The following SSNA1 variants were observed in gnomAD, a reference collection of about 807,000 sequenced individuals.
The protein encoded by SSNA1 is SS nuclear autoantigen 1, also known as microtubule nucleation factor SSNA1.
A neutral mutation model predicts 13.3 loss-of-function variants in SSNA1; 13 were observed. That is an observed-to-expected ratio of 0.97 (90% CI 0.63 to 1.55). SSNA1 has a LOEUF of 1.55. Among genes scored for constraint, SSNA1 ranks in the 40% most tolerant of loss-of-function variants. SSNA1 has a pLI of 0.00. For missense variants in SSNA1, 186 were observed against 152.7 expected (o/e 1.22, Z -1.15); for synonymous variants, 89 against 65.9 (o/e 1.35, Z -1.70).
chr9:137,189,070 AGAG>A lies in SSNA1; in HGVS notation c.61_63del (p.Glu21del), dbSNP rs1834552700. 6.4e-7 allele frequency: 1 copy of A among 1,566,752 alleles called. No homozygotes were observed. Among genetic ancestry groups the A allele is most frequent in the Non-Finnish European group, 8.7e-7 (1 of 1,155,364 alleles). On this transcript the variant is annotated inframe_deletion, in exon 2 of 3. Transcript: ENST00000322310. Reference sequence around the variant, plus strand: ...GCCGCCCCTCCCGGCCCCCAGGCATAGAGGAGCTGTGCCAGAAGCGGGAGGAGC... The same window carrying A: ...GCCGCCCCTCCCGGCCCCCAGGCATAGAGCTGTGCCAGAAGCGGGAGGAGC...
rs1000411549 is a variant in SSNA1 at position 137,190,156 on chromosome 9, G to A, written c.*242G>A. The stretch of plus-strand genomic sequence containing the variant: ...GGTGGGCTCCAGGTCAGCTCTGCAA[G>A]GGGCTTGTCTCTGTGGCACCCACAC... On this transcript the variant is annotated 3_prime_UTR_variant, in exon 3 of 3. Coordinates refer to ENST00000322310, the MANE Select transcript of SSNA1 (RefSeq NM_003731.3). 3.9e-5 allele frequency: 19 copies of A among 489,724 alleles called. No individual in the cohort carries two copies. The highest frequency in any genetic ancestry group is 5.6e-4 in the Middle Eastern group (1 of 1,800). The allele number at this position is 489,724 out of a possible 1,614,324, so 30.3% of individuals were successfully genotyped here.
In SSNA1 at chr9:137,189,102, G is replaced by T; in HGVS notation, c.89G>T (p.Cys30Phe). The T allele has an allele frequency of 6.3e-7, 1 of 1,594,980 alleles. No individual in the cohort carries two copies. Among genetic ancestry groups the T allele is most frequent in the Non-Finnish European group, 8.5e-7 (1 of 1,170,790 alleles). Residue 30 changes from cysteine (C) to phenylalanine (F), a missense_variant, in exon 2 of 3, where the codon TGC becomes TTC. Coordinates refer to ENST00000322310, the MANE Select transcript of SSNA1 (RefSeq NM_003731.3). ...CTGTGCCAGAAGCGGGAGGAGCTGT[G>T]CCGGCAGATCCAGGAGGAGGAGGAC... is the stretch of plus-strand genomic sequence containing the variant. ...EELCQKREEL[C>F]RQIQEEEDEK...
At chr9:137,188,995 T>G (rs1834549523) in intron 1 of SSNA1, 71 bp from the exon 2 acceptor site, 1 of 1,507,564 alleles carries the variant, frequency 6.6e-7, no homozygotes, top group African/African-American at 1.4e-5. Flanking sequence ...CTTCCTCGGG[T>G]GGAAGGAGGC....
Position 137,188,736 on chromosome 9 carries a change from C to T in SSNA1, c.10C>T (p.Gln4Ter). 1 of 1,585,284 alleles carries T rather than the reference C, an allele frequency of 6.3e-7. No individual in the cohort carries two copies. Among genetic ancestry groups the T allele is most frequent in the Non-Finnish European group, 8.5e-7 (1 of 1,173,422 alleles). MTQ[Q>*]GAALQNYNNE... Reference sequence around the variant, plus strand: ...CCGGGCGGCGTTGACCATGACCCAGCAGGGCGCGGCGCTGCAGAACTACAA... The same window carrying T: ...CCGGGCGGCGTTGACCATGACCCAGTAGGGCGCGGCGCTGCAGAACTACAA... Residue 4 changes from glutamine (Q) to a stop codon, truncating the protein, a stop_gained, in exon 1 of 3, where the codon CAG becomes TAG. Transcript: ENST00000322310. LOFTEE classifies it high-confidence loss of function.
chr9:137,188,876 C>A (rs1003905986), intron 1 of SSNA1, 98 bp downstream of exon 1: 13 of 1,388,060 alleles, frequency 9.4e-6, no homozygotes, highest in Non-Finnish European at 1.2e-5. Context: ...CTGCGGGCAT[C>A]GCGCGGCTGA....
At position 137,188,680 on chromosome 9, in the gene SSNA1, C is replaced by G; in HGVS notation, c.-47C>G. The G allele has an allele frequency of 6.4e-7, 1 of 1,572,394 alleles. No homozygotes were observed. The highest frequency in any genetic ancestry group is 8.6e-7 in the Non-Finnish European group (1 of 1,168,236). On this transcript the variant is annotated 5_prime_UTR_variant, in exon 1 of 3. Transcript: ENST00000322310. ...GAGTCGTGCGCAGGCGCGGACAGCG[C>G]TGCTTCCGCGGCGGTTGGGGTGGTG...
Position 137,189,265 on chromosome 9 carries a change from G to A in SSNA1, c.252G>A (p.Lys84=). The change falls in exon 2 of 3, where the codon AAG becomes AAA. Residue 84 remains lysine (K), a splice_region_variant and synonymous_variant. Transcript: ENST00000322310. ...TIAETEAAYL[K]ILESSQTLLS... The stretch of plus-strand genomic sequence containing the variant: ...CGGAGACGGAGGCCGCCTACCTCAA[G>A]GTGGAGCTCGGGAGGCCAGGCCGAG... 6.2e-7 allele frequency: 1 copy of A among 1,612,978 alleles called. No individual in the cohort carries two copies. Among genetic ancestry groups the A allele is most frequent in the Non-Finnish European group, 8.5e-7 (1 of 1,179,922 alleles).
In SSNA1 at chr9:137,190,081, C is replaced by T; in HGVS notation, c.*167C>T. 1.6e-6 allele frequency: 1 copy of T among 631,390 alleles called. No individual in the cohort carries two copies. The highest frequency in any genetic ancestry group is 2.8e-6 in the Non-Finnish European group (1 of 361,752). 39.1% of individuals were successfully genotyped at this position (631,390 alleles called of 1,614,324 possible). The stretch of plus-strand genomic sequence containing the variant: ...ACTGGCATCAGTGACAAGCCCAGGG[C>T]ACAGCCCACCCGGGGGTCCTCGCTT... On this transcript the variant is annotated 3_prime_UTR_variant, in exon 3 of 3. Transcript: ENST00000322310.
chr9:137,189,294 C>T, intron 2 of SSNA1, 29 bp downstream of exon 2: 2 of 1,611,568 alleles, frequency 1.2e-6, no homozygotes, highest in Non-Finnish European at 1.7e-6. Flanking sequence ...GGCCGAGCAT[C>T]AGGGGATAGG....
At position 137,190,337 on chromosome 9, in the gene SSNA1, G is replaced by C. The variant is rs1834587802; in HGVS notation, c.*423G>C. On this transcript the variant is annotated 3_prime_UTR_variant, in exon 3 of 3. Transcript: ENST00000322310. ...ACCTCAGGTCTCACCCCTGTGGCCT[G>C]TGATTATGAATAAAGATTATCTTTG... 1 of 190,188 alleles carries C rather than the reference G, an allele frequency of 5.3e-6. No homozygotes were observed. The highest frequency in any genetic ancestry group is 5.3e-5 in the Admixed American group (1 of 18,758). 11.8% of individuals were successfully genotyped at this position (190,188 alleles called of 1,614,324 possible).
At chr9:137,189,395 GGC>G in intron 2 of SSNA1, 130 bp downstream of exon 2, 1 of 1,118,790 alleles carries the variant, frequency 8.9e-7, no homozygotes, top group Non-Finnish European at 1.3e-6. Flanking sequence ...TTCGGGCAGG[GGC>G]AGCGTGGCCA....
At chr9:137,189,340 C>G in intron 2 of SSNA1, 75 bp downstream of exon 2, 1 of 1,534,886 alleles carries the variant, frequency 6.5e-7, no homozygotes. Flanking sequence ...GGCGTCAGGA[C>G]CGGCTGGGGC....
Position 137,189,751 on chromosome 9 carries a change from C to T in SSNA1, c.253-56C>T, listed in dbSNP as rs1283487277. 3.9e-6 allele frequency: 6 copies of T among 1,525,030 alleles called. No individual in the cohort carries two copies. The African/African-American group carries it at 4.1e-5, about 10-fold the overall frequency. The allele number at this position is 1,525,030 out of a possible 1,614,324, so 94.5% of individuals were successfully genotyped here. A position where few individuals can be genotyped will look rare whatever the true frequency, so the allele number is the denominator to read the frequency against. On this transcript the variant is annotated intron_variant, in intron 2 of 2. Transcript: ENST00000322310. ...CACCTGAGTGTGAGGACAGCTGGGG[C>T]TTAGGACCTTACCAACAGGTGAACA...
chr9:137,189,331 G>A lies in SSNA1; in HGVS notation c.252+66G>A, dbSNP rs1375089361. 13 of 1,576,806 alleles carry A rather than the reference G, an allele frequency of 8.2e-6. No homozygotes were observed. In the East Asian group the frequency reaches 2.7e-4, roughly 33 times the overall value. On this transcript the variant is annotated intron_variant, in intron 2 of 2. Coordinates refer to ENST00000322310, the MANE Select transcript of SSNA1 (RefSeq NM_003731.3). ...ACGGCAGGGGTGTTGCCACGGCAAGGCGTCAGGACCGGCTGGGGCTCCCGG... is the reference window on the plus strand; with the variant it reads ...ACGGCAGGGGTGTTGCCACGGCAAGACGTCAGGACCGGCTGGGGCTCCCGG...
Position 137,188,682 on chromosome 9 carries a change from G to T in SSNA1, c.-45G>T. 6.4e-7 allele frequency: 1 copy of T among 1,572,454 alleles called. No homozygotes were observed. Among genetic ancestry groups the T allele is most frequent in the Non-Finnish European group, 8.6e-7 (1 of 1,168,284 alleles). On this transcript the variant is annotated 5_prime_UTR_variant, in exon 1 of 3. Coordinates refer to ENST00000322310, the MANE Select transcript of SSNA1 (RefSeq NM_003731.3). ...GTCGTGCGCAGGCGCGGACAGCGCT[G>T]CTTCCGCGGCGGTTGGGGTGGTGGG...
In SSNA1 at chr9:137,188,703, G is replaced by C. The variant is rs373415628; in HGVS notation, c.-24G>C. On this transcript the variant is annotated 5_prime_UTR_variant, in exon 1 of 3. Transcript: ENST00000322310. The stretch of plus-strand genomic sequence containing the variant: ...CGCTGCTTCCGCGGCGGTTGGGGTG[G>C]TGGGGCCCCGGGCGGCGTTGACCAT... 5.7e-6 allele frequency: 9 copies of C among 1,577,364 alleles called. No homozygotes were observed. In the African/African-American group the frequency reaches 9.7e-5, roughly 17 times the overall value.
In SSNA1 at chr9:137,188,771, G is replaced by A. The variant is rs756164620; in HGVS notation, c.45G>A (p.Leu15=). ...GAALQNYNNE[L]VKCIEELCQK... ...CGCTGCAGAACTACAACAACGAGCT[G>A]GTCAAGTGTGAGCGGCGCAGCCGGG... is the stretch of plus-strand genomic sequence containing the variant. Residue 15 remains leucine, a synonymous_variant, in exon 1 of 3, where the codon CTG becomes CTA. Coordinates refer to ENST00000322310, the MANE Select transcript of SSNA1 (RefSeq NM_003731.3). 6.3e-7 allele frequency: 1 copy of A among 1,580,772 alleles called. No individual in the cohort carries two copies. The highest frequency in any genetic ancestry group is 1.4e-5 in the African/African-American group (1 of 72,024).
intron 2 of SSNA1, 80 bp from the exon 3 acceptor site, chr9:137,189,727 A>G (rs1834567957): frequency 1.5e-6 from 2 of 1,336,470 alleles, no homozygotes; most frequent in South Asian, 1.2e-5. Flanking sequence ...AGGTCCCAGC[A>G]CCTGAGTGTG....
intron 2 of SSNA1, 133 bp downstream of exon 2, chr9:137,189,398 A>G (rs1834562600): frequency 9.2e-7 from 1 of 1,081,444 alleles, no homozygotes; most frequent in Non-Finnish European, 1.4e-6. Flanking sequence ...GGGCAGGGGC[A>G]GCGTGGCCAG....
Sources: allele counts gnomAD v4.1 joint callset, GRCh38; gene constraint gnomAD v4.1.1; transcripts MANE v1.5; gene names NCBI Gene and HGNC (gene_info 2026-07-23, HGNC 2026-07-21).